FIRRM: variants seen among roughly 807,000 people sequenced by gnomAD.
FIRRM encodes FIGNL1-interacting regulator of recombination and mitosis.
chr1:169,798,470 A>G, the FIRRM span, among the ~76,000 whole-genome samples: 1 of 151,932 alleles, frequency 6.6e-6, no homozygotes, highest in African/African-American at 2.4e-5. Context: ...GGTTCTCACC[A>G]TACTGGCCAG....
the FIRRM span, among the ~76,000 whole-genome samples, chr1:169,824,221 G>A: frequency 6.6e-6 from 1 of 152,140 alleles, no homozygotes; most frequent in African/African-American, 2.4e-5. Flanking sequence ...TATTCTATGT[G>A]TATCTAGACC....
chr1:169,802,297 T>G, the FIRRM span, among the ~76,000 whole-genome samples: 1 of 152,188 alleles, frequency 6.6e-6, no homozygotes, highest in Non-Finnish European at 1.5e-5. Flanking sequence ...AAATTTATTG[T>G]GCGAAAGTAA....
chr1:169,827,926 GT>G, the FIRRM span: 1,640 of 1,284,086 alleles, frequency 1.3e-3, no homozygotes, highest in Non-Finnish European at 1.4e-3. Flanking sequence ...AAGTTTGTGT[GT>G]TTTTTTTTTA....
chr1:169,816,988 T>C, the FIRRM span, among the ~76,000 whole-genome samples: 1 of 152,062 alleles, frequency 6.6e-6, no homozygotes, highest in Non-Finnish European at 1.5e-5. Flanking sequence ...ACAAATATGC[T>C]CCAAATTTTA....
the FIRRM span, chr1:169,851,541 C>T: frequency 3.0e-3 from 1,228 of 405,980 alleles, 15 homozygotes; most frequent in African/African-American, 0.023. Flanking sequence ...CATGTGTATA[C>T]ACTGCTGTTG....
chr1:169,784,789 A>G, the FIRRM span: 9 of 152,250 alleles, frequency 5.9e-5, no homozygotes, highest in Non-Finnish European at 1.2e-4. Context: ...TAGGAGATCC[A>G]GGAGAAATGA....
At chr1:169,826,315 G>A in the FIRRM span, among the ~76,000 whole-genome samples, 14 of 149,922 alleles carry the variant, frequency 9.3e-5, no homozygotes, top group Non-Finnish European at 1.3e-4. Flanking sequence ...CGCTTGCCTC[G>A]GCCTCCCAAA....
the FIRRM span, among the ~76,000 whole-genome samples, chr1:169,817,118 A>G: frequency 6.6e-6 from 1 of 152,138 alleles, no homozygotes; most frequent in South Asian, 2.1e-4. Flanking sequence ...TTTAAACAAA[A>G]AGTAAAAAAA....
At chr1:169,849,292 A>G in the FIRRM span, among the ~76,000 whole-genome samples, 2 of 152,208 alleles carry the variant, frequency 1.3e-5, no homozygotes, top group East Asian at 1.9e-4. Context: ...AGGTCATTTG[A>G]GGACTTTGGC....
the FIRRM span, among the ~76,000 whole-genome samples, chr1:169,812,363 G>GT: frequency 6.6e-6 from 1 of 152,172 alleles, no homozygotes; most frequent in African/African-American, 2.4e-5. Context: ...AAGTAAGTAG[G>GT]TAATTATTAT....
the FIRRM span, chr1:169,784,920 A>C: frequency 6.6e-6 from 1 of 152,210 alleles, no homozygotes; most frequent in South Asian, 2.1e-4. Context: ...CATAGTAAGT[A>C]CTCAGTGCGT....
the FIRRM span, chr1:169,827,330 A>T: frequency 1.2e-6 from 1 of 833,184 alleles, no homozygotes; most frequent in South Asian, 2.1e-5. Flanking sequence ...TTCTTGAAAC[A>T]TATTTCTTAT....
At chr1:169,792,289 A>G in the FIRRM span, among the ~76,000 whole-genome samples, 9 of 152,202 alleles carry the variant, frequency 5.9e-5, no homozygotes, top group African/African-American at 2.2e-4. Flanking sequence ...CCTGGGAACA[A>G]TTTCATGTAA....
the FIRRM span, among the ~76,000 whole-genome samples, chr1:169,807,320 T>C: frequency 6.6e-6 from 1 of 152,236 alleles, no homozygotes; most frequent in Non-Finnish European, 1.5e-5. Flanking sequence ...ATAACATTCT[T>C]TGATATCCTT....
At chr1:169,786,331 G>A in the FIRRM span, among the ~76,000 whole-genome samples, 1 of 152,194 alleles carries the variant, frequency 6.6e-6, no homozygotes, top group African/African-American at 2.4e-5. Flanking sequence ...TCCTGGAGAA[G>A]CTTGAACACA....
chr1:169,808,063 C>A, the FIRRM span: 1 of 857,138 alleles, frequency 1.2e-6, no homozygotes, highest in Non-Finnish European at 1.8e-6. Context: ...TTTTTTTGAT[C>A]TGTGGGATTA....
chr1:169,795,298 G>A, the FIRRM span: 1 of 1,448,304 alleles, frequency 6.9e-7, no homozygotes, highest in Non-Finnish European at 9.3e-7. Flanking sequence ...CAGACCCACC[G>A]CCAGGCTGGG....
At chr1:169,829,670 C>G in the FIRRM span, among the ~76,000 whole-genome samples, 1 of 151,866 alleles carries the variant, frequency 6.6e-6, no homozygotes, top group Non-Finnish European at 1.5e-5. Context: ...GGGAGGTATG[C>G]AAAGACAATG....
the FIRRM span, among the ~76,000 whole-genome samples, chr1:169,791,499 G>C: frequency 2.6e-5 from 4 of 152,230 alleles, no homozygotes; most frequent in East Asian, 7.7e-4. Flanking sequence ...AGATTTTAAA[G>C]CCTTCAGATG....
Sources: allele counts gnomAD v4.1 joint callset (sites outside exome capture counted in the v4.1 genomes callset), GRCh38; gene constraint gnomAD v4.1.1; transcripts MANE v1.5; gene names NCBI Gene and HGNC (gene_info 2026-07-23, HGNC 2026-07-21).